PSD2: variants seen among roughly 807,000 people sequenced by gnomAD.
PSD2 encodes the protein PH and SEC7 domain-containing protein 2.
In PSD2, 38 loss-of-function variants were observed where a neutral mutation model predicts 69.8. The ratio of observed to expected loss-of-function variants is 0.54; its 90% CI spans 0.42 to 0.71. PSD2 has a LOEUF of 0.71. PSD2 is among the 30% of genes least tolerant of loss of function. PSD2 has a pLI of 0.00. For missense variants in PSD2, 943 were observed against 1,014.5 expected, an observed-to-expected ratio of 0.93 and a Z score of 0.96; for synonymous variants, 412 against 423.0, an observed-to-expected ratio of 0.97 and a Z score of 0.32.
the PSD2 span, among the ~76,000 whole-genome samples, chr5:139,751,825 G>A: frequency 2.2e-5 from 3 of 137,848 alleles, no homozygotes; most frequent in East Asian, 2.1e-4. Flanking sequence ...ACAGGGTCTC[G>A]TTCTGTCACC....
the PSD2 span, among the ~76,000 whole-genome samples, chr5:139,755,564 G>T: frequency 6.6e-6 from 1 of 152,130 alleles, no homozygotes; most frequent in African/African-American, 2.4e-5. Flanking sequence ...CTCTGTGTGT[G>T]TGTATCTTTG....
chr5:139,786,481 T>G, the PSD2 span, among the ~76,000 whole-genome samples: 4 of 152,252 alleles, frequency 2.6e-5, no homozygotes, highest in African/African-American at 9.6e-5. Context: ...CCAGGTGTCA[T>G]GGACATTAGA....
intron 1 of PSD2, among the ~76,000 whole-genome samples, chr5:139,798,892 T>G (rs1326633890): frequency 6.6e-6 from 1 of 152,232 alleles, no homozygotes; most frequent in Non-Finnish European, 1.5e-5. Context: ...TTTTTTTAAT[T>G]TGATCATGGA....
At chr5:139,761,654 C>T in the PSD2 span, among the ~76,000 whole-genome samples, 2 of 152,222 alleles carry the variant, frequency 1.3e-5, no homozygotes, top group African/African-American at 4.8e-5. Context: ...CACCCCCTAA[C>T]CTCTGCTTTC....
At chr5:139,771,705 C>T in the PSD2 span, among the ~76,000 whole-genome samples, 1 of 152,180 alleles carries the variant, frequency 6.6e-6, no homozygotes. Context: ...TAACATTCTT[C>T]CCAGCTGGTG....
At chr5:139,812,454 A>G (rs554791748) in intron 2 of PSD2, among the ~76,000 whole-genome samples, 72 of 152,302 alleles carry the variant, frequency 4.7e-4, no homozygotes, top group Non-Finnish European at 9.3e-4. Flanking sequence ...TGACAAGCAT[A>G]TGTTCATTCA....
the PSD2 span, among the ~76,000 whole-genome samples, chr5:139,755,666 T>TGC: frequency 1.1e-4 from 14 of 125,390 alleles, no homozygotes; most frequent in Middle Eastern, 8.1e-3. Flanking sequence ...TGTGTGTGTG[T>TGC]GCGCGCGCAT....
At chr5:139,745,220 G>A in the PSD2 span, 2 of 152,330 alleles carry the variant, frequency 1.3e-5, no homozygotes, top group African/African-American at 4.8e-5. Context: ...TGAAGGCTAT[G>A]TAGAGTTGAG....
chr5:139,752,041 C>T, the PSD2 span, among the ~76,000 whole-genome samples: 5 of 152,068 alleles, frequency 3.3e-5, no homozygotes, highest in Non-Finnish European at 7.4e-5. Flanking sequence ...AATCTTCTCA[C>T]CTTAGCCTCC....
chr5:139,770,593 C>A, the PSD2 span, among the ~76,000 whole-genome samples: 1 of 152,100 alleles, frequency 6.6e-6, no homozygotes, highest in Non-Finnish European at 1.5e-5. Context: ...AACAAAAAAA[C>A]ATGAATGGCC....
At chr5:139,834,775 G>A (rs1278234956) in intron 8 of PSD2, among the ~76,000 whole-genome samples, 1 of 151,844 alleles carries the variant, frequency 6.6e-6, no homozygotes, top group Non-Finnish European at 1.5e-5. Context: ...GAACATATTT[G>A]TGAGATCAAA....
intron 8 of PSD2, among the ~76,000 whole-genome samples, chr5:139,835,304 G>C (rs1458410622): frequency 6.6e-6 from 1 of 150,920 alleles, no homozygotes; most frequent in African/African-American, 2.4e-5. Context: ...CCACCTGCTT[G>C]TTTCCCCACC....
chr5:139,809,521 G>A lies in PSD2; in HGVS notation c.81G>A (p.Glu27=), dbSNP rs908160666. 2.0e-5 allele frequency: 33 copies of A among 1,613,038 alleles called. No homozygotes were observed. The highest frequency in any genetic ancestry group is 2.5e-5 in the Non-Finnish European group (30 of 1,179,564). ...TRDPGPEPEE[E]PGVRNGMASE... is the part of the protein sequence containing the mutation. Reference sequence around the variant, plus strand: ...ACCCCGGTCCAGAGCCTGAAGAGGAGCCAGGGGTCCGGAATGGGATGGCCA... The same window carrying A: ...ACCCCGGTCCAGAGCCTGAAGAGGAACCAGGGGTCCGGAATGGGATGGCCA... The change falls in exon 2 of 15, where the codon GAG becomes GAA. Residue 27 remains glutamate, a synonymous_variant. Coordinates refer to ENST00000274710, the MANE Select transcript of PSD2 (RefSeq NM_032289.4).
the PSD2 span, among the ~76,000 whole-genome samples, chr5:139,752,700 A>C: frequency 6.6e-6 from 1 of 152,312 alleles, no homozygotes; most frequent in South Asian, 2.1e-4. Flanking sequence ...GCACACAAGC[A>C]CATCTGCACA....
the PSD2 span, among the ~76,000 whole-genome samples, chr5:139,749,735 C>T: frequency 2.0e-5 from 3 of 152,120 alleles, no homozygotes; most frequent in Admixed American, 6.6e-5. Flanking sequence ...GTGGCTCATG[C>T]CTGTAATCCT....
At chr5:139,793,882 A>G (rs562700702), upstream of PSD2, among the ~76,000 whole-genome samples, 3 of 152,286 alleles carry the variant, frequency 2.0e-5, no homozygotes, top group African/African-American at 7.2e-5. Flanking sequence ...CATTGGGCAG[A>G]TGAGGAAGTA....
intron 1 of PSD2, among the ~76,000 whole-genome samples, chr5:139,796,296 C>A (rs924670987): frequency 6.6e-6 from 1 of 152,172 alleles, no homozygotes. Flanking sequence ...TGTCTCCCGG[C>A]TCCGCCACCC....
intron 6 of PSD2, 58 bp downstream of exon 6, chr5:139,822,063 C>T (rs575947672): frequency 3.6e-6 from 4 of 1,112,216 alleles, no homozygotes; most frequent in Admixed American, 3.9e-5. Context: ...AGGCCCTGGT[C>T]CCCTCCCATC....
At chr5:139,767,089 T>C in the PSD2 span, among the ~76,000 whole-genome samples, 1 of 150,762 alleles carries the variant, frequency 6.6e-6, no homozygotes, top group Non-Finnish European at 1.5e-5. Context: ...GCCTCCCAGG[T>C]TCACACCATT....
Sources: gnomAD v4.1 joint callset for allele counts (sites outside exome capture counted in the v4.1 genomes callset) on GRCh38, gnomAD v4.1.1 for gene constraint, MANE v1.5 for transcripts, NCBI Gene and HGNC (gene_info 2026-07-23, HGNC 2026-07-21) for gene names.